Variants in COG4 observed in about 807,000 individuals in gnomAD.
COG4 encodes component of oligomeric golgi complex 4, also known as conserved oligomeric Golgi complex subunit 4.
In COG4, 65 loss-of-function variants were observed where a neutral mutation model predicts 95.1. The observed-to-expected ratio is 0.68, with a 90% confidence interval of 0.56 to 0.84. The LOEUF (loss-of-function observed/expected upper bound fraction) is 0.84, where lower values mean the gene tolerates loss of function less well. COG4 is among the 40% of genes least tolerant of loss of function. The pLI is 0.00. For missense variants in COG4, 1,045 were observed against 989.1 expected (o/e 1.06, Z -0.76); for synonymous variants, 421 against 374.8 (o/e 1.12, Z -1.42).
intron 6 of COG4, 151 bp from the exon 7 acceptor site, chr16:70,509,539 G>A (rs190211177): frequency 2.2e-4 from 189 of 861,202 alleles, no homozygotes; most frequent in African/African-American, 6.7e-5. Context: ...CAATGCTAGG[G>A]GTTGCTAGGC....
At chr16:70,523,345 A>G (rs1479190939) in intron 1 of COG4, 28 bp downstream of exon 1, 2 of 1,613,758 alleles carry the variant, frequency 1.2e-6, no homozygotes, top group Admixed American at 1.7e-5. Context: ...TAGATCCTCC[A>G]TGAAAAAGAA....
chr16:70,481,478 G>T lies in COG4; in HGVS notation c.2116C>A (p.Leu706Met). 1 of 1,612,126 alleles carries T rather than the reference G, an allele frequency of 6.2e-7. No homozygotes were observed. The change falls in exon 18 of 19, where the codon CTG becomes ATG. Residue 706 changes from leucine (L) to methionine (M), a missense_variant. Transcript: ENST00000323786. Reference sequence around the variant, plus strand: ...GACCTCAGCTCCTTGTCAAACTGCAGACCACCCAGCTGCAGGAGAACCCAA... The same window carrying T: ...GACCTCAGCTCCTTGTCAAACTGCATACCACCCAGCTGCAGGAGAACCCAA... Reference protein sequence around the residue: ...LKSTFNRLGGLQFDKELRSLI... With the variant: ...LKSTFNRLGGMQFDKELRSLI...
At chr16:70,519,603 C>A in intron 2 of COG4, 46 bp downstream of exon 2, 1 of 1,416,742 alleles carries the variant, frequency 7.1e-7, no homozygotes, top group Non-Finnish European at 1.0e-6. Context: ...GTCCAATTGA[C>A]CCTGTTGGAA....
chr16:70,501,131 T>C (rs767012425), intron 8 of COG4, 40 bp from the exon 9 acceptor site: 2 of 1,606,526 alleles, frequency 1.2e-6, no homozygotes, highest in Non-Finnish European at 1.7e-6. Context: ...CGACAATGGA[T>C]TACCTTAGAC....
At chr16:70,501,191 C>A in intron 8 of COG4, 100 bp from the exon 9 acceptor site, 1 of 1,374,526 alleles carries the variant, frequency 7.3e-7, no homozygotes, top group Non-Finnish European at 1.0e-6. Flanking sequence ...CCCCACTGGG[C>A]CCATAAGGAA....
chr16:70,482,738 G>A lies in COG4; in HGVS notation c.1911C>T (p.Asn637=). The stretch of plus-strand genomic sequence containing the variant: ...CTGTGGCCAGGCTAACCTCCTCGAT[G>A]TTGTGGGAGACGGAGAAAAAGCTGT... ...WINSFFSVSH[N]IEEEEFNDYE... is the part of the protein sequence containing the mutation. Residue 637 remains asparagine (N), a synonymous_variant, in exon 15 of 19, where the codon AAC becomes AAT. Coordinates refer to ENST00000323786, the MANE Select transcript of COG4 (RefSeq NM_015386.3). 3.1e-6 allele frequency: 5 copies of A among 1,613,754 alleles called. No homozygotes were observed. The highest frequency in any genetic ancestry group is 4.2e-6 in the Non-Finnish European group (5 of 1,179,774).
Position 70,481,765 on chromosome 16 carries a change from C to A in COG4, c.2105G>T (p.Arg702Leu). 1 of 1,612,196 alleles carries A rather than the reference C, an allele frequency of 6.2e-7. No homozygotes were observed. The highest frequency in any genetic ancestry group is 1.1e-5 in the South Asian group (1 of 90,990). ...EKVVLKSTFN[R>L]LGGLQFDKEL... The stretch of plus-strand genomic sequence containing the variant: ...AGACCCATGACCCCTTTACCTTACC[C>A]GGTTAAAGGTGGATTTCAGCACCAC... The change falls in exon 17 of 19, where the codon CGG becomes CTG. Residue 702 changes from arginine to leucine, a missense_variant and splice_region_variant. By Grantham distance (102) the Arg-to-Leu change is moderately radical (BLOSUM62 -2). Coordinates refer to ENST00000323786, the MANE Select transcript of COG4 (RefSeq NM_015386.3).
Position 70,514,391 on chromosome 16 carries a change from T to A in COG4, c.488A>T (p.His163Leu), listed in dbSNP as rs1263970165. 1.2e-6 allele frequency: 2 copies of A among 1,614,104 alleles called. No individual in the cohort carries two copies. Among genetic ancestry groups the A allele is most frequent in the Admixed American group, 1.7e-5 (1 of 60,010 alleles). The change falls in exon 4 of 19, where the codon CAT (histidine) becomes CTT (leucine). Residue 163 changes from histidine to leucine, a missense_variant. By Grantham distance (99) the His-to-Leu change is moderately conservative (BLOSUM62 -3). Transcript: ENST00000323786. ...EDYEQAAAHT[H>L]RYLCLDKSVI... is the part of the protein sequence containing the mutation. The stretch of plus-strand genomic sequence containing the variant: ...CGACTTGTCCAGGCACAAGTAGCGA[T>A]GAGTATGTGCTGCAGCCTGCTCATA...
At chr16:70,507,495 G>A (rs766733324) in intron 8 of COG4, among the ~76,000 whole-genome samples, 4 of 152,112 alleles carry the variant, frequency 2.6e-5, no homozygotes, top group Non-Finnish European at 5.9e-5. Flanking sequence ...TAGCCTAGGT[G>A]TGTAGTAGGC....
At chr16:70,513,976 G>A (rs1367935868) in intron 4 of COG4, among the ~76,000 whole-genome samples, 1 of 152,192 alleles carries the variant, frequency 6.6e-6, no homozygotes, top group Admixed American at 6.5e-5. Context: ...GGGAGGCCAA[G>A]GCGGGCAGAT....
intron 9 of COG4, among the ~76,000 whole-genome samples, chr16:70,499,033 C>T (rs1040392024): frequency 6.6e-6 from 1 of 152,104 alleles, no homozygotes; most frequent in Non-Finnish European, 1.5e-5. Context: ...CTGGGCAACA[C>T]AGCAATACTC....
At chr16:70,497,798 A>G in intron 10 of COG4, 139 bp downstream of exon 10, 1 of 768,154 alleles carries the variant, frequency 1.3e-6, no homozygotes, top group Non-Finnish European at 2.4e-6. Context: ...CTCTAAACAT[A>G]CAAAGTGGTA....
intron 3 of COG4, among the ~76,000 whole-genome samples, chr16:70,516,542 C>T (rs9929882): frequency 0.12 from 18,706 of 151,936 alleles, 3,788 homozygotes; most frequent in African/African-American, 0.42. Flanking sequence ...GTGATCTGTC[C>T]GCCTTGGCCT....
In COG4 at chr16:70,520,500, C is replaced by T. The variant is rs1177311741; in HGVS notation, c.172-769G>A. Among the ~76,000 whole-genome samples the T allele has an allele frequency of 4.0e-5, 6 of 150,492 alleles. No homozygotes were observed. The East Asian group carries it at 9.8e-4, about 25-fold the overall frequency. On this transcript the variant is annotated intron_variant, in intron 1 of 18. Coordinates refer to ENST00000323786, the MANE Select transcript of COG4 (RefSeq NM_015386.3). ...AAACAAAATTAGCTGGGTGTGGTGG[C>T]GGGGGCCTGTAATCCCAGCTACACA...
intron 8 of COG4, among the ~76,000 whole-genome samples, chr16:70,506,618 CAAAAAAAAAAA>C (rs2049579219): frequency 3.3e-5 from 2 of 59,910 alleles, no homozygotes; most frequent in East Asian, 6.6e-4. Context: ...AAAAAAAAAA[CAAAAAAAAAAA>C]CATTTAGCTG....
rs769041915 is a variant in COG4, at chr16:70,523,442, A to C, written c.102T>G (p.Ala34=). 6.2e-7 allele frequency: 1 copy of C among 1,614,112 alleles called. No individual in the cohort carries two copies. Among genetic ancestry groups the C allele is most frequent in the Non-Finnish European group, 8.5e-7 (1 of 1,180,012 alleles). Residue 34 remains alanine, a synonymous_variant, in exon 1 of 19, where the codon GCT becomes GCG. Transcript: ENST00000323786. Reference sequence around the variant, plus strand: ...GCTCTGTCAGGGAGCGAATGAGCTCAGCGGAGATTTCGGAGCAGCGGCCAC... The same window carrying C: ...GCTCTGTCAGGGAGCGAATGAGCTCCGCGGAGATTTCGGAGCAGCGGCCAC... The part of the protein sequence containing the change: ...VGGGRCSEIS[A]ELIRSLTELQ...
intron 11 of COG4, 151 bp downstream of exon 11, chr16:70,497,070 T>C: frequency 4.9e-6 from 4 of 812,348 alleles, no homozygotes; most frequent in Non-Finnish European, 8.0e-6. Context: ...AACAGCTTCC[T>C]GGAGCCAAGG....
Position 70,519,703 on chromosome 16 carries a change from A to C in COG4, c.200T>G (p.Leu67Arg), listed in dbSNP as rs2151765573. The change falls in exon 2 of 19, where the codon CTT (leucine) becomes CGT (arginine). Residue 67 changes from leucine (L) to arginine (R), a missense_variant. Coordinates refer to ENST00000323786, the MANE Select transcript of COG4 (RefSeq NM_015386.3). ...EKVVERELDA[L>R]LEQQNTIESK... ...TTCAATGGTGTTTTGCTGTTCCAAA[A>C]GAGCATCCAGCTCTCTCTCCACCAC... 1 of 1,613,968 alleles carries C rather than the reference A, an allele frequency of 6.2e-7. No individual in the cohort carries two copies. Among genetic ancestry groups the C allele is most frequent in the Non-Finnish European group, 8.5e-7 (1 of 1,179,904 alleles).
At chr16:70,506,146 C>T (rs2049561562) in intron 8 of COG4, among the ~76,000 whole-genome samples, 1 of 151,924 alleles carries the variant, frequency 6.6e-6, no homozygotes, top group Admixed American at 6.6e-5. Context: ...CCTGTAATCC[C>T]AGCATTTTGG....
Sources: allele counts gnomAD v4.1 joint callset (sites outside exome capture counted in the v4.1 genomes callset), GRCh38; gene constraint gnomAD v4.1.1; transcripts MANE v1.5; gene names NCBI Gene and HGNC (gene_info 2026-07-23, HGNC 2026-07-21).